Variants in TOX observed in about 807,000 individuals in gnomAD.
TOX encodes thymocyte selection-associated high mobility group box protein TOX.
In TOX, 11 loss-of-function variants were observed where a neutral mutation model predicts 53.7. That is an observed-to-expected ratio of 0.20 (90% confidence interval 0.13 to 0.34). TOX has a LOEUF of 0.34. Ranked by LOEUF, TOX falls within the 10% of genes least tolerant of loss-of-function variation. The pLI, the probability that TOX is intolerant of heterozygous loss-of-function variation, is 1.00. For synonymous variants in TOX, 225 were observed against 245.3 expected, an observed-to-expected ratio of 0.92 and a Z score of 0.77; for missense variants, 570 against 664.6, an observed-to-expected ratio of 0.86 and a Z score of 1.56.
chr8:58,998,558 T>TTATATATAATAAATTTA (rs10644127), intron 1 of TOX, among the ~76,000 whole-genome samples: 2 of 36,008 alleles, frequency 5.6e-5, no homozygotes, highest in East Asian at 7.7e-4. Flanking sequence ...TATAATAAAT[T>TTATATATAATAAATTTA]TATGTAATAA....
chr8:59,052,058 T>C (rs1803799851), intron 1 of TOX, among the ~76,000 whole-genome samples: 1 of 152,212 alleles, frequency 6.6e-6, no homozygotes, highest in Non-Finnish European at 1.5e-5. Flanking sequence ...TGATCCTACA[T>C]AAGACAAAGC....
Position 58,863,446 on chromosome 8 carries a change from T to C in TOX, c.412-11641A>G, listed in dbSNP as rs1350253585. Among the ~76,000 whole-genome samples the C allele has an allele frequency of 2.6e-5, 4 of 152,192 alleles. No individual in the cohort carries two copies. In the East Asian group the frequency reaches 7.7e-4, roughly 29 times the overall value. ...GACTCACAGCAACCAGGTGAAACTG[T>C]TACAGTCGCCACTGCCATGGTACTC... On this transcript the variant is annotated intron_variant, in intron 3 of 8. Coordinates refer to ENST00000361421, the MANE Select transcript of TOX (RefSeq NM_014729.3).
At chr8:59,101,632 A>T (rs1804808467) in intron 1 of TOX, among the ~76,000 whole-genome samples, 2 of 152,228 alleles carry the variant, frequency 1.3e-5, no homozygotes, top group South Asian at 4.1e-4. Context: ...AAAATCTAAA[A>T]CGCTTATTTT....
chr8:58,931,123 C>T (rs535579942), intron 3 of TOX, among the ~76,000 whole-genome samples: 5 of 152,126 alleles, frequency 3.3e-5, no homozygotes, highest in Admixed American at 2.6e-4. Context: ...GGCTAGAAAC[C>T]AACACAGCAA....
intron 3 of TOX, among the ~76,000 whole-genome samples, chr8:58,924,354 T>C (rs1389963720): frequency 2.0e-5 from 3 of 152,224 alleles, no homozygotes; most frequent in Non-Finnish European, 4.4e-5. Flanking sequence ...TAAGCAGAAG[T>C]AGGGAGGGAA....
At chr8:58,808,750 C>T (rs968791963) in intron 7 of TOX, among the ~76,000 whole-genome samples, 1 of 152,180 alleles carries the variant, frequency 6.6e-6, no homozygotes, top group Non-Finnish European at 1.5e-5. Context: ...TCTTTTTCTT[C>T]ATTCAGTCAC....
chr8:58,920,715 A>G (rs1464461752), intron 3 of TOX, among the ~76,000 whole-genome samples: 1 of 69,352 alleles, frequency 1.4e-5, no homozygotes, highest in African/African-American at 4.0e-5. Context: ...AATAAAAAAA[A>G]AACATTAAAA....
intron 2 of TOX, among the ~76,000 whole-genome samples, chr8:58,949,555 T>G (rs1036793941): frequency 2.6e-5 from 4 of 152,160 alleles, no homozygotes; most frequent in African/African-American, 9.7e-5. Flanking sequence ...AGAGGTTAAA[T>G]TATTTGCCTG....
At chr8:58,948,559 G>A (rs989416837) in intron 2 of TOX, among the ~76,000 whole-genome samples, 3 of 152,146 alleles carry the variant, frequency 2.0e-5, no homozygotes, top group Admixed American at 2.0e-4. Context: ...AATCATTAGA[G>A]AGACCAGATT....
intron 1 of TOX, among the ~76,000 whole-genome samples, chr8:59,107,466 C>T (rs189298170): frequency 6.6e-5 from 10 of 152,178 alleles, no homozygotes; most frequent in Non-Finnish European, 1.5e-4. Context: ...TTTTAAGCAA[C>T]TAACCTTGGA....
intron 3 of TOX, among the ~76,000 whole-genome samples, chr8:58,896,270 C>T (rs1438664356): frequency 6.6e-6 from 1 of 152,168 alleles, no homozygotes. Context: ...GGGGAAAACA[C>T]ACCCACACCC....
At chr8:58,971,499 T>C (rs1813002160) in intron 1 of TOX, among the ~76,000 whole-genome samples, 1 of 152,202 alleles carries the variant, frequency 6.6e-6, no homozygotes, top group Non-Finnish European at 1.5e-5. Flanking sequence ...TGCAAGAGCA[T>C]TTGTAAATTA....
chr8:58,813,286 A>C (rs369994893), intron 7 of TOX, among the ~76,000 whole-genome samples: 2 of 152,356 alleles, frequency 1.3e-5, no homozygotes, highest in East Asian at 3.9e-4. Flanking sequence ...AAATAGAAAA[A>C]GTAATCATCT....
At chr8:59,058,552 A>G (rs1803923723) in intron 1 of TOX, among the ~76,000 whole-genome samples, 1 of 152,156 alleles carries the variant, frequency 6.6e-6, no homozygotes, top group South Asian at 2.1e-4. Flanking sequence ...GAAGAAGGCA[A>G]GCCACATTCT....
intron 1 of TOX, among the ~76,000 whole-genome samples, chr8:59,085,051 T>C (rs1046641800): frequency 6.6e-6 from 1 of 152,136 alleles, no homozygotes; most frequent in East Asian, 1.9e-4. Flanking sequence ...ATATAAAAAG[T>C]AGATAGAAAT....
chr8:59,098,151 C>G (rs1314510206), intron 1 of TOX, among the ~76,000 whole-genome samples: 3 of 152,122 alleles, frequency 2.0e-5, no homozygotes, highest in Non-Finnish European at 4.4e-5. Flanking sequence ...TCACAGGTAC[C>G]TGCCGGAGCG....
chr8:59,047,564 A>AT (rs35966391), intron 1 of TOX, among the ~76,000 whole-genome samples: 111 of 144,318 alleles, frequency 7.7e-4, no homozygotes, highest in South Asian at 4.7e-3. Context: ...CTCATCAGAG[A>AT]TTTTTTTTTT....
At chr8:59,055,520 T>C (rs1803874576) in intron 1 of TOX, among the ~76,000 whole-genome samples, 1 of 152,102 alleles carries the variant, frequency 6.6e-6, no homozygotes, top group Admixed American at 6.6e-5. Flanking sequence ...TGGCTGACCA[T>C]ATATTTGATC....
intron 1 of TOX, among the ~76,000 whole-genome samples, chr8:58,989,193 G>A (rs967867120): frequency 3.9e-5 from 6 of 152,026 alleles, no homozygotes; most frequent in Admixed American, 6.6e-5. Flanking sequence ...GCATGCACCT[G>A]TAATCCCAGC....
Sources: allele counts gnomAD v4.1 joint callset (sites outside exome capture counted in the v4.1 genomes callset), GRCh38; gene constraint gnomAD v4.1.1; transcripts MANE v1.5; gene names NCBI Gene and HGNC (gene_info 2026-07-23, HGNC 2026-07-21).